The following RBFOX1 variants were observed in gnomAD, a reference collection of about 807,000 sequenced individuals.
RBFOX1 encodes RNA binding protein fox-1 homolog 1.
RBFOX1 carries 8 observed loss-of-function variants against 57.7 expected under a neutral mutation model. The ratio of observed to expected loss-of-function variants is 0.14; its 90% CI spans 0.08 to 0.25. The LOEUF is 0.25. Ranked by LOEUF, RBFOX1 falls within the 10% of genes least tolerant of loss-of-function variation. RBFOX1 has a pLI of 1.00. For synonymous variants in RBFOX1, 326 were observed against 222.4 expected (o/e 1.47, Z -4.15); for missense variants, 611 against 548.5 (o/e 1.11, Z -1.14).
chr16:6,032,236 G>C (rs539653751), intron 1 of RBFOX1, among the ~76,000 whole-genome samples: 1 of 151,896 alleles, frequency 6.6e-6, no homozygotes, highest in Non-Finnish European at 1.5e-5. Flanking sequence ...CCTCGTTCTC[G>C]CCTAGGTAGG....
chr16:5,530,449 C>G (rs1454075434), intron 2 of RBFOX1, among the ~76,000 whole-genome samples: 4 of 152,158 alleles, frequency 2.6e-5, no homozygotes, highest in African/African-American at 7.2e-5. Flanking sequence ...TCAACCCAGA[C>G]CACTCGACAA....
At chr16:6,510,377 A>C (rs913934884) in intron 2 of RBFOX1, among the ~76,000 whole-genome samples, 2 of 152,100 alleles carry the variant, frequency 1.3e-5, no homozygotes, top group African/African-American at 4.8e-5. Flanking sequence ...GCCAACTCCC[A>C]GTTTCCCGAT....
chr16:5,278,132 A>G (rs534824987), intron 1 of RBFOX1, among the ~76,000 whole-genome samples: 4 of 152,324 alleles, frequency 2.6e-5, no homozygotes, highest in Admixed American at 2.0e-4. Flanking sequence ...ACAATATACA[A>G]TAATATTCTT....
intron 5 of RBFOX1, among the ~76,000 whole-genome samples, chr16:7,541,536 T>C (rs977261317): frequency 5.4e-4 from 82 of 152,178 alleles, no homozygotes; most frequent in African/African-American, 1.8e-3. Context: ...ATAGGAAATA[T>C]ATGTCCGTTT....
chr16:5,360,185 G>A (rs1231138391), intron 1 of RBFOX1, among the ~76,000 whole-genome samples: 4 of 152,170 alleles, frequency 2.6e-5, no homozygotes, highest in East Asian at 3.9e-4. Context: ...TACTCCATCC[G>A]TGGACACGCA....
intron 3 of RBFOX1, among the ~76,000 whole-genome samples, chr16:6,666,186 T>G (rs1204122311): frequency 1.3e-5 from 2 of 152,170 alleles, no homozygotes; most frequent in African/African-American, 4.8e-5. Context: ...TTATCCAGTC[T>G]CAGGTACATC....
At chr16:7,079,769 T>G (rs1205970086) in intron 4 of RBFOX1, among the ~76,000 whole-genome samples, 1 of 152,016 alleles carries the variant, frequency 6.6e-6, no homozygotes, top group Non-Finnish European at 1.5e-5. Flanking sequence ...GGGTGGTGTT[T>G]GTGTGTGTTT....
chr16:5,767,007 G>C (rs566411779), intron 3 of RBFOX1, among the ~76,000 whole-genome samples: 1 of 152,312 alleles, frequency 6.6e-6, no homozygotes, highest in Admixed American at 6.5e-5. Context: ...CTGTTAGTTT[G>C]CTTCTGGGTG....
chr16:6,447,676 G>C (rs1205557626), intron 2 of RBFOX1, among the ~76,000 whole-genome samples: 2 of 152,176 alleles, frequency 1.3e-5, no homozygotes, highest in African/African-American at 4.8e-5. Flanking sequence ...CTGATAACAA[G>C]CGTTAAAAAT....
At chr16:7,180,700 T>C (rs1434877946) in intron 4 of RBFOX1, among the ~76,000 whole-genome samples, 1 of 114,072 alleles carries the variant, frequency 8.8e-6, no homozygotes, top group Non-Finnish European at 1.8e-5. Context: ...ATTTCTACTG[T>C]AAGTTATTAT....
intron 3 of RBFOX1, among the ~76,000 whole-genome samples, chr16:6,933,836 T>C (rs1179003379): frequency 5.9e-5 from 9 of 152,190 alleles, no homozygotes; most frequent in African/African-American, 1.7e-4. Flanking sequence ...TTACCTCTCT[T>C]TATCTTAAGA....
intron 3 of RBFOX1, among the ~76,000 whole-genome samples, chr16:7,019,903 G>A (rs569442661): frequency 1.3e-5 from 2 of 151,942 alleles, no homozygotes; most frequent in East Asian, 3.9e-4. Context: ...ACTAAACCCT[G>A]CTCTCTTTTA....
At chr16:7,688,810 A>G (rs2076698429) in intron 14 of RBFOX1, among the ~76,000 whole-genome samples, 3 of 152,138 alleles carry the variant, frequency 2.0e-5, no homozygotes, top group South Asian at 2.1e-4. Context: ...TGTTGTTAGA[A>G]TATGTTTTTA....
intron 4 of RBFOX1, among the ~76,000 whole-genome samples, chr16:7,086,343 G>C (rs990023845): frequency 2.0e-5 from 3 of 152,064 alleles, no homozygotes; most frequent in Non-Finnish European, 4.4e-5. Context: ...ACCTGAGCAA[G>C]AGATAATATT....
intron 4 of RBFOX1, among the ~76,000 whole-genome samples, chr16:5,969,746 C>T (rs1176368649): frequency 1.3e-5 from 2 of 152,012 alleles, no homozygotes; most frequent in Admixed American, 6.6e-5. Context: ...TTGTCCCTTG[C>T]TGTCTGCGAT....
At chr16:6,288,548 G>A (rs61626218) in intron 1 of RBFOX1, among the ~76,000 whole-genome samples, 2,431 of 152,222 alleles carry the variant, frequency 0.016, 83 homozygotes, top group African/African-American at 0.054. Flanking sequence ...TAGATACTGC[G>A]TCATTTTTGT....
At chr16:5,655,722 G>T (rs1197056256) in intron 3 of RBFOX1, among the ~76,000 whole-genome samples, 2 of 152,128 alleles carry the variant, frequency 1.3e-5, no homozygotes, top group Non-Finnish European at 2.9e-5. Flanking sequence ...CCCTTGAGAA[G>T]GTCGAAGTGG....
At chr16:5,367,484 T>C (rs2065749512) in intron 1 of RBFOX1, among the ~76,000 whole-genome samples, 1 of 152,208 alleles carries the variant, frequency 6.6e-6, no homozygotes, top group Non-Finnish European at 1.5e-5. Context: ...TCTCACTGCA[T>C]GTGCCATATG....
intron 3 of RBFOX1, among the ~76,000 whole-genome samples, chr16:5,863,880 A>G (rs1408891337): frequency 6.6e-6 from 1 of 152,174 alleles, no homozygotes; most frequent in Admixed American, 6.5e-5. Context: ...ACATTTCCAC[A>G]AGGTCTCTTT....
Sources: allele counts gnomAD v4.1 joint callset (sites outside exome capture counted in the v4.1 genomes callset), GRCh38; gene constraint gnomAD v4.1.1; transcripts MANE v1.5; gene names NCBI Gene and HGNC (gene_info 2026-07-23, HGNC 2026-07-21).